The following PCDH9 variants were observed in gnomAD, a reference collection of about 807,000 sequenced individuals.
The protein encoded by PCDH9 is protocadherin-9.
PCDH9 carries 24 observed loss-of-function variants against 70.6 expected under a neutral mutation model. The observed-to-expected ratio is 0.34, with a 90% confidence interval of 0.25 to 0.48. PCDH9 has a LOEUF of 0.48. Among genes scored for constraint, PCDH9 ranks in the 20% least tolerant of loss-of-function variants. PCDH9 has a pLI of 0.99. For missense variants in PCDH9, 1,281 were observed against 1,503.6 expected, an observed-to-expected ratio of 0.85 and a Z score of 2.45; for synonymous variants, 562 against 558.5, an observed-to-expected ratio of 1.01 and a Z score of -0.09.
chr13:67,018,218 A>T (rs1269921039), intron 2 of PCDH9, among the ~76,000 whole-genome samples: 1 of 152,248 alleles, frequency 6.6e-6, no homozygotes, highest in Non-Finnish European at 1.5e-5. Flanking sequence ...AGTAAATAAC[A>T]TCAGAGTTGT....
intron 2 of PCDH9, among the ~76,000 whole-genome samples, chr13:66,982,345 T>A (rs1164016708): frequency 6.6e-6 from 1 of 152,176 alleles, no homozygotes; most frequent in African/African-American, 2.4e-5. Context: ...CCTGATACAA[T>A]AACCAATCCC....
At chr13:66,849,257 A>G (rs2081268070) in intron 3 of PCDH9, among the ~76,000 whole-genome samples, 1 of 151,960 alleles carries the variant, frequency 6.6e-6, no homozygotes, top group Admixed American at 6.6e-5. Context: ...TTAAACCAGA[A>G]AGAATACTTA....
intron 2 of PCDH9, among the ~76,000 whole-genome samples, chr13:67,178,746 T>A (rs1464131119): frequency 1.3e-5 from 2 of 152,112 alleles, no homozygotes; most frequent in Admixed American, 1.3e-4. Flanking sequence ...AGATCTCATC[T>A]TAAACATGTT....
intron 2 of PCDH9, among the ~76,000 whole-genome samples, chr13:67,045,421 G>A (rs1025490650): frequency 7.3e-5 from 11 of 151,628 alleles, no homozygotes; most frequent in East Asian, 1.9e-4. Context: ...CCATCTCCAC[G>A]TGTCTAGCCA....
chr13:67,150,553 C>T (rs2087631794), intron 2 of PCDH9, among the ~76,000 whole-genome samples: 1 of 152,002 alleles, frequency 6.6e-6, no homozygotes, highest in Non-Finnish European at 1.5e-5. Flanking sequence ...CAGGGTGTTC[C>T]CTCATTCAAT....
intron 4 of PCDH9, among the ~76,000 whole-genome samples, chr13:66,522,750 A>C (rs1960053692): frequency 6.6e-6 from 1 of 152,010 alleles, no homozygotes; most frequent in Non-Finnish European, 1.5e-5. Context: ...AACCAAGAAG[A>C]TCTGCAAGAG....
intron 2 of PCDH9, among the ~76,000 whole-genome samples, chr13:67,129,678 G>T (rs937488696): frequency 1.5e-4 from 23 of 151,734 alleles, no homozygotes; most frequent in African/African-American, 5.6e-4. Context: ...CATATATAGA[G>T]ATATTATATA....
At chr13:66,642,274 G>A (rs1466481943) in intron 3 of PCDH9, among the ~76,000 whole-genome samples, 1 of 151,922 alleles carries the variant, frequency 6.6e-6, no homozygotes, top group Non-Finnish European at 1.5e-5. Context: ...ATCTCAGAAA[G>A]CCTAAATTAA....
intron 4 of PCDH9, among the ~76,000 whole-genome samples, chr13:66,626,161 C>G (rs560806208): frequency 6.6e-6 from 1 of 151,876 alleles, no homozygotes; most frequent in Non-Finnish European, 1.5e-5. Flanking sequence ...TGATCCTAGA[C>G]GTTAAATACA....
intron 3 of PCDH9, among the ~76,000 whole-genome samples, chr13:66,796,697 ACT>A (rs1156583224): frequency 1.3e-5 from 2 of 152,120 alleles, no homozygotes; most frequent in African/African-American, 2.4e-5. Flanking sequence ...TCTACCACAC[ACT>A]GTGAAAATGG....
chr13:66,797,169 T>C (rs1483354748), intron 3 of PCDH9, among the ~76,000 whole-genome samples: 1 of 152,140 alleles, frequency 6.6e-6, no homozygotes, highest in Admixed American at 6.6e-5. Context: ...CTGGGAGTTA[T>C]ATTTTAAAAT....
intron 2 of PCDH9, among the ~76,000 whole-genome samples, chr13:67,035,486 T>C (rs2084991792): frequency 6.6e-6 from 1 of 151,736 alleles, no homozygotes; most frequent in Non-Finnish European, 1.5e-5. Flanking sequence ...TCTTACTTTG[T>C]GAGTCTTTTA....
At chr13:66,360,077 G>A (rs1225193064) in intron 4 of PCDH9, among the ~76,000 whole-genome samples, 1 of 151,990 alleles carries the variant, frequency 6.6e-6, no homozygotes, top group African/African-American at 2.4e-5. Context: ...TTGGCAGTAG[G>A]TATGAAATGT....
intron 2 of PCDH9, among the ~76,000 whole-genome samples, chr13:66,998,884 A>G (rs973043686): frequency 6.6e-6 from 1 of 152,236 alleles, no homozygotes; most frequent in Non-Finnish European, 1.5e-5. Flanking sequence ...AAAGCGCCAC[A>G]AAATGTCATA....
chr13:66,544,163 G>A (rs1961080923), intron 4 of PCDH9, among the ~76,000 whole-genome samples: 1 of 152,122 alleles, frequency 6.6e-6, no homozygotes, highest in Non-Finnish European at 1.5e-5. Flanking sequence ...CATGACTACA[G>A]GGACTGGATC....
intron 3 of PCDH9, among the ~76,000 whole-genome samples, 179 bp downstream of exon 3, chr13:66,903,325 G>A (rs572147393): frequency 2.0e-5 from 3 of 151,606 alleles, no homozygotes; most frequent in South Asian, 2.1e-4. Flanking sequence ...GATATATATC[G>A]CTGGATTTTT....
intron 4 of PCDH9, among the ~76,000 whole-genome samples, chr13:66,629,431 G>T (rs147348409): frequency 3.3e-5 from 5 of 152,308 alleles, no homozygotes; most frequent in African/African-American, 9.6e-5. Context: ...AAACAGTTTT[G>T]AAAGAGCTGT....
intron 2 of PCDH9, among the ~76,000 whole-genome samples, chr13:67,157,044 CTT>C (rs1168343045): frequency 2.0e-5 from 3 of 152,214 alleles, no homozygotes; most frequent in African/African-American, 7.2e-5. Flanking sequence ...TATTTTATCT[CTT>C]TATTTCTTTT....
At chr13:66,958,741 C>T (rs1338181302) in intron 2 of PCDH9, among the ~76,000 whole-genome samples, 2 of 152,066 alleles carry the variant, frequency 1.3e-5, no homozygotes, top group Non-Finnish European at 2.9e-5. Context: ...CAGAGCTTTG[C>T]TGCTGTTTTT....
Sources: allele counts gnomAD v4.1 joint callset (sites outside exome capture counted in the v4.1 genomes callset), GRCh38; gene constraint gnomAD v4.1.1; transcripts MANE v1.5; gene names NCBI Gene and HGNC (gene_info 2026-07-23, HGNC 2026-07-21).